Variants in OR1D2 observed in about 807,000 individuals in gnomAD.
OR1D2 encodes olfactory receptor family 1 subfamily D member 2, also known as olfactory receptor 1D2.
For synonymous variants in OR1D2, 157 were observed against 153.9 expected, an observed-to-expected ratio of 1.02 and a Z score of -0.15; for missense variants, 357 against 376.1, an observed-to-expected ratio of 0.95 and a Z score of 0.42.
intron 1 of OR1D2, among the ~76,000 whole-genome samples, chr17:3,098,504 C>T (rs767845414): frequency 3.9e-5 from 6 of 152,110 alleles, no homozygotes; most frequent in Non-Finnish European, 7.4e-5. Context: ...CTCACAAAAA[C>T]CCCATCCAAG....
intron 1 of OR1D2, among the ~76,000 whole-genome samples, chr17:3,102,663 C>G (rs1005162445): frequency 1.3e-5 from 2 of 152,110 alleles, no homozygotes; most frequent in Admixed American, 6.5e-5. Context: ...CACAATCTAA[C>G]TATTCTACCA....
At chr17:3,094,260 A>G (rs1301183561) in intron 1 of OR1D2, among the ~76,000 whole-genome samples, 2 of 152,194 alleles carry the variant, frequency 1.3e-5, no homozygotes, top group South Asian at 2.1e-4. Flanking sequence ...ACTAGTTCGA[A>G]CAATATTTTG....
intron 1 of OR1D2, among the ~76,000 whole-genome samples, chr17:3,100,612 A>G (rs1355338841): frequency 6.6e-6 from 1 of 152,210 alleles, no homozygotes; most frequent in Non-Finnish European, 1.5e-5. Flanking sequence ...CACTATTAAA[A>G]GAGCTAGAGA....
At position 3,092,376 on chromosome 17, in the gene OR1D2, G is replaced by A. The variant is rs754877045; in HGVS notation, c.621C>T (p.Phe207=). ...TVLIATGCFI[F]LIPFGFVIIS... ...TGATCACGAATCCAAAGGGAATGAG[G>A]AAGATGAAGCAGCCTGTGGCAATCA... Residue 207 remains phenylalanine (F), a synonymous_variant, in exon 2 of 2, where the codon TTC becomes TTT. Coordinates refer to ENST00000641833, the MANE Select transcript of OR1D2 (RefSeq NM_002548.3). 4.3e-6 allele frequency: 7 copies of A among 1,614,088 alleles called. No individual in the cohort carries two copies. In the African/African-American group the frequency reaches 8.0e-5, roughly 18 times the overall value.
intron 1 of OR1D2, among the ~76,000 whole-genome samples, chr17:3,102,530 T>C (rs763297470): frequency 1.3e-5 from 2 of 152,208 alleles, no homozygotes; most frequent in Non-Finnish European, 2.9e-5. Context: ...AACAACGAGC[T>C]ATTTGTTTCT....
At chr17:3,093,102 A>C in intron 1 of OR1D2, 56 bp from the exon 2 acceptor site, 1 of 1,026,518 alleles carries the variant, frequency 9.7e-7, no homozygotes, top group African/African-American at 1.6e-5. Flanking sequence ...TAGAATTAAG[A>C]ATGTCTTACA....
intron 1 of OR1D2, among the ~76,000 whole-genome samples, chr17:3,093,594 G>A (rs1033984988): frequency 6.6e-6 from 1 of 152,158 alleles, no homozygotes; most frequent in Non-Finnish European, 1.5e-5. Context: ...ATGAGTTATA[G>A]GGTGGGGGAA....
In OR1D2 at chr17:3,092,037, T is replaced by C. The variant is rs768817824; in HGVS notation, c.*21A>G. The C allele has an allele frequency of 3.7e-5, 57 of 1,559,044 alleles. No individual in the cohort carries two copies. Among genetic ancestry groups the C allele is most frequent in the Non-Finnish European group, 4.9e-5 (56 of 1,141,308 alleles). On this transcript the variant is annotated 3_prime_UTR_variant, in exon 2 of 2. Transcript: ENST00000641833. ...AGGATATTCCTAGTCTCCACTTTAATGCTGTCTTTCCAAATTGCCCTCATG... is the reference window on the plus strand; with the variant it reads ...AGGATATTCCTAGTCTCCACTTTAACGCTGTCTTTCCAAATTGCCCTCATG...
intron 1 of OR1D2, among the ~76,000 whole-genome samples, chr17:3,100,252 A>G (rs762226107): frequency 6.6e-6 from 1 of 152,222 alleles, no homozygotes; most frequent in Admixed American, 6.5e-5. Context: ...CATGGCACTT[A>G]TTCTAAACTT....
chr17:3,102,037 C>T lies in OR1D2; in HGVS notation c.-51+2062G>A, dbSNP rs181523559. On this transcript the variant is annotated intron_variant, in intron 1 of 1. Transcript: ENST00000641833. ...TCATGTATCAAAATATCACATGTAC[C>T]CCCAAAATATGTACAGTTATTACTG... 3.5e-3 allele frequency among the ~76,000 whole-genome samples: 537 copies of T among 152,140 alleles called. 2 individuals are homozygous for T. The highest frequency in any genetic ancestry group is 0.012 in the African/African-American group (497 of 41,500).
chr17:3,104,044 A>G (rs2047886001), intron 1 of OR1D2, 55 bp downstream of exon 1: 1 of 152,366 alleles, frequency 6.6e-6, no homozygotes, highest in African/African-American at 2.4e-5. Flanking sequence ...AGAGAAGATA[A>G]GAGAGAAGAT....
chr17:3,101,291 G>A lies in OR1D2; in HGVS notation c.-51+2808C>T, dbSNP rs994687578. Among the ~76,000 whole-genome samples, 4 of 152,136 alleles carry A rather than the reference G, an allele frequency of 2.6e-5. No individual in the cohort carries two copies. The East Asian group carries it at 5.8e-4, about 22-fold the overall frequency. ...ATCCTCAATAAAATACTGTCAAACC[G>A]AATCCAATAGCACATCAAAAAGCTT... On this transcript the variant is annotated intron_variant, in intron 1 of 1. Transcript: ENST00000641833.
At chr17:3,102,276 G>T (rs1439386249) in intron 1 of OR1D2, among the ~76,000 whole-genome samples, 1 of 152,082 alleles carries the variant, frequency 6.6e-6, no homozygotes, top group East Asian at 1.9e-4. Flanking sequence ...GAGGGTATAT[G>T]GCAGTCCTAG....
chr17:3,102,507 C>T (rs1026537530), intron 1 of OR1D2, among the ~76,000 whole-genome samples: 1 of 152,068 alleles, frequency 6.6e-6, no homozygotes, highest in Non-Finnish European at 1.5e-5. Context: ...TTTACAACGA[C>T]GTATATCGTT....
At chr17:3,102,816 ATTC>A (rs2047880701) in intron 1 of OR1D2, among the ~76,000 whole-genome samples, 1 of 152,170 alleles carries the variant, frequency 6.6e-6, no homozygotes, top group African/African-American at 2.4e-5. Context: ...AGGGACTCCT[ATTC>A]TTCATTCCTC....
At chr17:3,102,698 C>T (rs1398195451) in intron 1 of OR1D2, among the ~76,000 whole-genome samples, 1 of 152,074 alleles carries the variant, frequency 6.6e-6, no homozygotes, top group African/African-American at 2.4e-5. Context: ...GCAATAATGC[C>T]CACCTCCCCC....
chr17:3,097,540 C>T (rs2047852417), intron 1 of OR1D2, among the ~76,000 whole-genome samples: 1 of 152,164 alleles, frequency 6.6e-6, no homozygotes, highest in Admixed American at 6.5e-5. Context: ...CTCTGCAACC[C>T]ACAAATCAGA....
chr17:3,092,822 C>A lies in OR1D2; in HGVS notation c.175G>T (p.Val59Leu), dbSNP rs768055930. The change falls in exon 2 of 2, where the codon GTG becomes TTG. Residue 59 changes from valine to leucine, a missense_variant. Coordinates refer to ENST00000641833, the MANE Select transcript of OR1D2 (RefSeq NM_002548.3). ...GAGAGGTTGGCCAGGAAGAAGTACACGGGGGTGTGCAGGCGGGAATCAGAG... is the reference window on the plus strand; with the variant it reads ...GAGAGGTTGGCCAGGAAGAAGTACAAGGGGGTGTGCAGGCGGGAATCAGAG... ...ISSDSRLHTP[V>L]YFFLANLSFT... 13 of 1,613,926 alleles carry A rather than the reference C, an allele frequency of 8.1e-6. No individual in the cohort carries two copies. In the African/African-American group the frequency reaches 1.6e-4, roughly 20 times the overall value.
At chr17:3,096,515 C>T (rs376162698) in intron 1 of OR1D2, among the ~76,000 whole-genome samples, 5 of 152,312 alleles carry the variant, frequency 3.3e-5, no homozygotes, top group East Asian at 1.9e-4. Flanking sequence ...TTAATCTCAT[C>T]ACTTTGGGAG....
Sources: allele counts gnomAD v4.1 joint callset (sites outside exome capture counted in the v4.1 genomes callset), GRCh38; gene constraint gnomAD v4.1.1; transcripts MANE v1.5; gene names NCBI Gene and HGNC (gene_info 2026-07-23, HGNC 2026-07-21).